Variants in CALN1 observed in about 807,000 individuals in gnomAD.
CALN1 encodes calneuron 1.
A neutral mutation model predicts 30.6 loss-of-function variants in CALN1; 17 were observed. The ratio of observed to expected loss-of-function variants is 0.56; its 90% CI spans 0.38 to 0.83. The LOEUF (loss-of-function observed/expected upper bound fraction) is 0.83. CALN1 is among the 40% of genes least tolerant of loss of function. The pLI is 0.00. For synonymous variants in CALN1, 156 were observed against 131.4 expected, an observed-to-expected ratio of 1.19 and a Z score of -1.28; for missense variants, 291 against 354.9, an observed-to-expected ratio of 0.82 and a Z score of 1.45.
At chr7:72,322,814 G>A (rs1196313512) in intron 2 of CALN1, among the ~76,000 whole-genome samples, 1 of 151,742 alleles carries the variant, frequency 6.6e-6, no homozygotes, top group African/African-American at 2.4e-5. Flanking sequence ...AAAATCCCTT[G>A]TTCATAACAC....
chr7:72,370,486 C>A (rs1238416167), intron 2 of CALN1, among the ~76,000 whole-genome samples: 13 of 151,912 alleles, frequency 8.6e-5, no homozygotes, highest in Admixed American at 6.5e-4. Context: ...AACCCCGTCT[C>A]TAATAAAAAC....
At chr7:71,837,825 G>A (rs369448720) in intron 5 of CALN1, among the ~76,000 whole-genome samples, 42 of 152,012 alleles carry the variant, frequency 2.8e-4, no homozygotes, top group African/African-American at 9.6e-4. Context: ...GGGTTGAAAG[G>A]GAAGACATAA....
Position 72,054,454 on chromosome 7 carries a change from T to TATACATATATAC in CALN1, c.389-30686_389-30685insGTATATATGTAT, listed in dbSNP as rs1157030125. Among the ~76,000 whole-genome samples the TATACATATATAC allele has an allele frequency of 1.1e-4, 13 of 113,174 alleles. 1 individual carries two copies. The highest frequency in any genetic ancestry group is 4.3e-4 in the African/African-American group (13 of 29,888). 74.2% of individuals were successfully genotyped at this position (113,174 alleles called of 152,430 possible). On this transcript the variant is annotated intron_variant, in intron 4 of 6. Coordinates refer to ENST00000395275, the MANE Select transcript of CALN1 (RefSeq NM_031468.4). ...ACACGTATATATATATATACATATA[T>TATACATATATAC]ATACATATATATACATATATACATA...
At chr7:72,397,077 A>C (rs541414100) in intron 2 of CALN1, among the ~76,000 whole-genome samples, 11 of 151,792 alleles carry the variant, frequency 7.2e-5, no homozygotes, top group Admixed American at 5.9e-4. Context: ...TGCCTGGTTA[A>C]TTTTTTTTAG....
chr7:71,916,643 G>A (rs1455993129), intron 5 of CALN1, among the ~76,000 whole-genome samples: 1 of 151,950 alleles, frequency 6.6e-6, no homozygotes, highest in African/African-American at 2.4e-5. Context: ...CACAGGGAGG[G>A]GAACAACACA....
intron 5 of CALN1, among the ~76,000 whole-genome samples, chr7:71,955,632 C>T (rs577149999): frequency 6.6e-6 from 1 of 152,140 alleles, no homozygotes; most frequent in East Asian, 1.9e-4. Context: ...TACTGCATTG[C>T]CTTCCTTAGA....
chr7:71,906,482 G>T (rs1456101443), intron 5 of CALN1, among the ~76,000 whole-genome samples: 2 of 152,174 alleles, frequency 1.3e-5, no homozygotes, highest in Non-Finnish European at 2.9e-5. Flanking sequence ...ACAGGTAAAA[G>T]TCAGGTCAGA....
intron 2 of CALN1, among the ~76,000 whole-genome samples, chr7:72,387,192 G>A (rs1375873688): frequency 1.5e-5 from 2 of 132,496 alleles, no homozygotes; most frequent in African/African-American, 2.8e-5. Flanking sequence ...AACTAAGGAA[G>A]GGAGGGAGGG....
chr7:71,966,288 C>T (rs1584630168), intron 5 of CALN1, among the ~76,000 whole-genome samples: 1 of 152,144 alleles, frequency 6.6e-6, no homozygotes, highest in African/African-American at 2.4e-5. Flanking sequence ...GGCCTGTGAA[C>T]CTTGGTCTGT....
chr7:72,280,424 A>G (rs1277642897), intron 2 of CALN1, among the ~76,000 whole-genome samples: 2 of 152,258 alleles, frequency 1.3e-5, no homozygotes, highest in East Asian at 1.9e-4. Context: ...TTTGCCAATT[A>G]TAAGAGGTAC....
the CALN1 span, among the ~76,000 whole-genome samples, chr7:72,454,897 T>C: frequency 6.6e-6 from 1 of 151,316 alleles, no homozygotes; most frequent in Non-Finnish European, 1.5e-5. Context: ...AATGGCACCA[T>C]ATCCGCTCAC....
At chr7:71,879,174 TTTAAGAGTTA>T (rs1206699363) in intron 5 of CALN1, among the ~76,000 whole-genome samples, 6 of 152,340 alleles carry the variant, frequency 3.9e-5, no homozygotes, top group Non-Finnish European at 8.8e-5. Context: ...ATTTCTTCAA[TTTAAGAGTTA>T]CATAAGACCA....
chr7:72,472,734 A>G, the CALN1 span, among the ~76,000 whole-genome samples: 74 of 152,244 alleles, frequency 4.9e-4, no homozygotes, highest in Admixed American at 2.5e-3. Flanking sequence ...GTGAACCTAG[A>G]TCACACCACT....
In CALN1 at chr7:71,787,057, A is replaced by C. The variant is rs1793018691; in HGVS notation, c.*718T>G. The C allele has an allele frequency of 6.5e-6, 1 of 152,750 alleles. No homozygotes were observed. The highest frequency in any genetic ancestry group is 2.1e-4 in the South Asian group (1 of 4,834). 9.5% of individuals were successfully genotyped at this position (152,750 alleles called of 1,614,324 possible). ...CAAAGCTGGGAGAAAGGCTCTCTGC[A>C]GGTTCCAAAATGCTGGTGCGGGATG... On this transcript the variant is annotated 3_prime_UTR_variant, in exon 7 of 7. Transcript: ENST00000395275.
intron 5 of CALN1, among the ~76,000 whole-genome samples, 161 bp downstream of exon 5, chr7:72,023,496 C>T (rs866394052): frequency 6.6e-6 from 1 of 152,044 alleles, no homozygotes; most frequent in Non-Finnish European, 1.5e-5. Flanking sequence ...CTCCTCCAAA[C>T]CCTAAAAAAG....
intron 3 of CALN1, among the ~76,000 whole-genome samples, chr7:72,234,285 C>G (rs1454507448): frequency 1.3e-5 from 2 of 152,116 alleles, no homozygotes; most frequent in Non-Finnish European, 2.9e-5. Flanking sequence ...CCCCGGGAGC[C>G]CAGCCAAGAT....
intron 5 of CALN1, among the ~76,000 whole-genome samples, chr7:71,933,956 C>G (rs1422588998): frequency 6.6e-6 from 1 of 152,088 alleles, no homozygotes; most frequent in Non-Finnish European, 1.5e-5. Context: ...TCAAGGAAAC[C>G]TCAAATGTAT....
chr7:72,490,467 AC>A, the CALN1 span, among the ~76,000 whole-genome samples: 1 of 152,022 alleles, frequency 6.6e-6, no homozygotes, highest in Non-Finnish European at 1.5e-5. Flanking sequence ...AACTTCTCTG[AC>A]CTCAATTTCC....
At chr7:72,203,924 T>C (rs1315887181) in intron 3 of CALN1, among the ~76,000 whole-genome samples, 5 of 151,246 alleles carry the variant, frequency 3.3e-5, no homozygotes. Flanking sequence ...TTGTTACCTT[T>C]CATAATGTTC....
Sources: allele counts gnomAD v4.1 joint callset (sites outside exome capture counted in the v4.1 genomes callset), GRCh38; gene constraint gnomAD v4.1.1; transcripts MANE v1.5; gene names NCBI Gene and HGNC (gene_info 2026-07-23, HGNC 2026-07-21).